Variants in XPC observed in about 807,000 individuals in gnomAD.
XPC encodes the protein XPC complex subunit, DNA damage recognition and repair factor.
In XPC, 76 loss-of-function variants were observed where a neutral mutation model predicts 95.8. The ratio of observed to expected loss-of-function variants is 0.79; its 90% CI spans 0.66 to 0.96. XPC has a LOEUF of 0.96. Among genes scored for constraint, XPC ranks in the 40% least tolerant of loss-of-function variants. XPC has a pLI of 0.00. For missense variants in XPC, 1,146 were observed against 1,179.8 expected (o/e 0.97, Z 0.42); for synonymous variants, 442 against 442.1 (o/e 1.00, Z 0.00).
Position 14,147,347 on chromosome 3 carries a change from C to T in XPC, c.2547G>A (p.Lys849=). The part of the protein sequence containing the change: ...KKEKRALGNW[K]LLAKGLLIRE... ...TGATGAGCAGACCTTTGGCCAGCAA[C>T]TTCCAGTTCCCTAGAGCCCGCTTCT... Residue 849 remains lysine (K), a synonymous_variant, in exon 15 of 16, where the codon AAG becomes AAA. Transcript: ENST00000285021. 6.2e-7 allele frequency: 1 copy of T among 1,611,768 alleles called. No homozygotes were observed. The highest frequency in any genetic ancestry group is 8.5e-7 in the Non-Finnish European group (1 of 1,179,020).
chr3:14,147,754 T>C, intron 14 of XPC, 154 bp downstream of exon 14: 1 of 675,318 alleles, frequency 1.5e-6, no homozygotes, highest in South Asian at 1.8e-5. Flanking sequence ...GAGCCTGCTG[T>C]ATTCAGTGCT....
intron 10 of XPC, among the ~76,000 whole-genome samples, chr3:14,154,161 G>C (rs948290341): frequency 6.6e-6 from 1 of 152,218 alleles, no homozygotes; most frequent in Non-Finnish European, 1.5e-5. Context: ...AGGATGTGGA[G>C]AAAGTGGAGA....
Position 14,147,963 on chromosome 3 carries a change from A to G in XPC, c.2459T>C (p.Val820Ala). 2 of 1,601,304 alleles carry G rather than the reference A, an allele frequency of 1.2e-6. No homozygotes were observed. The highest frequency in any genetic ancestry group is 2.3e-5 in the South Asian group (2 of 88,632). Residue 820 changes from valine to alanine, a missense_variant, in exon 14 of 16, where the codon GTG (valine) becomes GCG (alanine). Transcript: ENST00000285021. ...CTCATTTTCCCAGGCAGTCAGGAGC[A>G]CGTCTTTGAATTCCTCGCAGACGAT... ...GYIVCEEFKD[V>A]LLTAWENEQA...
chr3:14,147,287 G>A lies in XPC; in HGVS notation c.2604+3C>T, dbSNP rs1485892017. 1 of 1,607,486 alleles carries A rather than the reference G, an allele frequency of 6.2e-7. No individual in the cohort carries two copies. The highest frequency in any genetic ancestry group is 8.5e-7 in the Non-Finnish European group (1 of 1,177,040). ...GTCTTCTCTGCAAAGAACCTGCACT[G>A]ACCTTGGGCCCGTAGCGACGCTTCA... On this transcript the variant is annotated splice_donor_region_variant and intron_variant, in intron 15 of 15. Transcript: ENST00000285021.
At chr3:14,162,972 TCAAAAAAGATA>T (rs1696222061) in intron 7 of XPC, among the ~76,000 whole-genome samples, 1 of 152,084 alleles carries the variant, frequency 6.6e-6, no homozygotes, top group Admixed American at 6.6e-5. Flanking sequence ...AGACATGTCC[TCAAAAAAGATA>T]CACAAATGAC....
At chr3:14,150,645 GC>G (rs1450760227) in intron 11 of XPC, among the ~76,000 whole-genome samples, 1 of 152,226 alleles carries the variant, frequency 6.6e-6, no homozygotes, top group Non-Finnish European at 1.5e-5. Context: ...TCAGGCTCCT[GC>G]AGGGGAAGAG....
At chr3:14,167,293 A>G (rs1404994273) in intron 4 of XPC, 40 bp from the exon 5 acceptor site, 1 of 1,562,728 alleles carries the variant, frequency 6.4e-7, no homozygotes, top group Admixed American at 1.8e-5. Flanking sequence ...GAAGGGGGGA[A>G]CTGAAACCAG....
rs184879571 is a variant in XPC, at chr3:14,164,841, G to A, written c.872C>T (p.Ser291Phe). 4 of 1,613,568 alleles carry A rather than the reference G, an allele frequency of 2.5e-6. No individual in the cohort carries two copies. The highest frequency in any genetic ancestry group is 4.5e-5 in the East Asian group (2 of 44,856). Reference sequence around the variant, plus strand: ...GACCAATTCCTCATCATCTCGAGCAGAGTAAATAGCAAATCTCCTTTCCAA... The same window carrying A: ...GACCAATTCCTCATCATCTCGAGCAAAGTAAATAGCAAATCTCCTTTCCAA... ...TTLERRFAIY[S>F]ARDDEELVHI... is the part of the protein sequence containing the mutation. The change falls in exon 7 of 16, where the codon TCT becomes TTT. Residue 291 changes from serine (S) to phenylalanine (F), a missense_variant. Coordinates refer to ENST00000285021, the MANE Select transcript of XPC (RefSeq NM_004628.5).
At chr3:14,157,021 G>C (rs1451916463) in intron 9 of XPC, among the ~76,000 whole-genome samples, 1 of 152,148 alleles carries the variant, frequency 6.6e-6, no homozygotes, top group African/African-American at 2.4e-5. Context: ...TGTTCACTAG[G>C]CTCTCTAAGG....
At chr3:14,157,744 A>G (rs942575061) in intron 9 of XPC, among the ~76,000 whole-genome samples, 2 of 152,308 alleles carry the variant, frequency 1.3e-5, no homozygotes, top group East Asian at 3.9e-4. Flanking sequence ...CTCCAAATTT[A>G]TAACTGGGCA....
intron 1 of XPC, 112 bp from the exon 2 acceptor site, chr3:14,173,174 C>A: frequency 9.5e-7 from 1 of 1,051,478 alleles, no homozygotes. Context: ...ACCCCATCTC[C>A]ATCACTGGTT....
intron 3 of XPC, among the ~76,000 whole-genome samples, chr3:14,169,974 CT>C: frequency 6.6e-6 from 1 of 152,222 alleles, no homozygotes; most frequent in East Asian, 1.9e-4. Context: ...TGCAAACTTT[CT>C]TTTCCCCACA....
chr3:14,157,982 C>G, intron 9 of XPC, 29 bp downstream of exon 9: 1 of 1,573,766 alleles, frequency 6.4e-7, no homozygotes, highest in Non-Finnish European at 8.7e-7. Context: ...CTGACTGTGT[C>G]TTGGAGCCCC....
chr3:14,178,404 C>T, intron 1 of XPC, 62 bp downstream of exon 1: 1 of 1,534,502 alleles, frequency 6.5e-7, no homozygotes, highest in Non-Finnish European at 8.7e-7. Context: ...CCCGCCCTGC[C>T]TCTGGGCCTC....
chr3:14,178,210 G>A (rs1696916097), intron 1 of XPC: 5 of 518,194 alleles, frequency 9.6e-6, no homozygotes, highest in Non-Finnish European at 1.7e-5. Context: ...TGTATCCTCT[G>A]GACAACGGGG....
chr3:14,160,306 C>T (rs1363527667), intron 7 of XPC, among the ~76,000 whole-genome samples: 1 of 152,204 alleles, frequency 6.6e-6, no homozygotes, highest in Non-Finnish European at 1.5e-5. Flanking sequence ...CGTCAGATCA[C>T]CAGGTCTGTT....
intron 14 of XPC, 60 bp from the exon 15 acceptor site, chr3:14,147,439 T>C (rs1695486665): frequency 1.0e-5 from 15 of 1,479,076 alleles, no homozygotes; most frequent in Middle Eastern, 1.7e-4. Context: ...AGGAAAAATA[T>C]TAAGATGGAA....
chr3:14,169,631 G>A (rs752201018), intron 3 of XPC, among the ~76,000 whole-genome samples: 5 of 152,156 alleles, frequency 3.3e-5, no homozygotes, highest in African/African-American at 9.7e-5. Flanking sequence ...TTTCATTTTC[G>A]TAGGTGTGAT....
At chr3:14,164,600 G>C in intron 7 of XPC, 1 of 502,820 alleles carries the variant, frequency 2.0e-6, no homozygotes, top group East Asian at 3.9e-5. Context: ...CCTCCACTCA[G>C]ACTCTGATCC....
Sources: gnomAD v4.1 joint callset for allele counts (sites outside exome capture counted in the v4.1 genomes callset) on GRCh38, gnomAD v4.1.1 for gene constraint, MANE v1.5 for transcripts, NCBI Gene and HGNC (gene_info 2026-07-23, HGNC 2026-07-21) for gene names.